Variants in NTRK1 observed in about 807,000 individuals in gnomAD.
NTRK1 encodes high affinity nerve growth factor receptor.
Under a neutral mutation model 86.8 loss-of-function variants are expected in NTRK1, and 62 were observed. That is an observed-to-expected ratio of 0.71 (90% CI 0.58 to 0.88). NTRK1 has a LOEUF of 0.88. NTRK1 is among the 40% of genes least tolerant of loss of function. NTRK1 has a pLI of 0.00. For synonymous variants in NTRK1, 469 were observed against 456.6 expected (o/e 1.03, Z -0.35); for missense variants, 967 against 1,078.4 (o/e 0.90, Z 1.45).
intron 12 of NTRK1, 94 bp downstream of exon 12, chr1:156,875,760 C>T: frequency 1.3e-6 from 2 of 1,516,186 alleles, no homozygotes; most frequent in South Asian, 2.3e-5. Context: ...CCTGAACGAT[C>T]CCTCCCTTTC....
intron 7 of NTRK1, among the ~76,000 whole-genome samples, chr1:156,872,745 G>A (rs1277967342): frequency 6.7e-6 from 1 of 148,722 alleles, no homozygotes; most frequent in African/African-American, 2.5e-5. Flanking sequence ...GCGCGCTCTC[G>A]GCTCACTTCA....
At chr1:156,815,964 T>A (rs1653870297) in intron 1 of NTRK1, 2 of 1,557,766 alleles carry the variant, frequency 1.3e-6, no homozygotes, top group Non-Finnish European at 1.7e-6. Flanking sequence ...GTGGGAGAGA[T>A]GAGGGAGCTG....
chr1:156,841,005 G>A, intron 1 of NTRK1: 1 of 1,611,946 alleles, frequency 6.2e-7, no homozygotes, highest in Non-Finnish European at 8.5e-7. Flanking sequence ...AGAGGAGGCG[G>A]AAGGAGGGCC....
intron 1 of NTRK1, chr1:156,841,619 T>C (rs1654787340): frequency 1.9e-6 from 3 of 1,609,728 alleles, no homozygotes; most frequent in Non-Finnish European, 2.5e-6. Flanking sequence ...CCTCCCCAGA[T>C]CCCGCCTCCA....
chr1:156,865,392 A>G (rs1655880952), intron 3 of NTRK1, among the ~76,000 whole-genome samples: 1 of 152,170 alleles, frequency 6.6e-6, no homozygotes, highest in Non-Finnish European at 1.5e-5. Context: ...TTAGATTCTC[A>G]AAAGGAGCAC....
intron 1 of NTRK1, chr1:156,841,267 G>T: frequency 2.9e-6 from 3 of 1,035,188 alleles, no homozygotes; most frequent in Non-Finnish European, 4.5e-6. Flanking sequence ...GGATAGGGGG[G>T]TGGCGCTCAT....
rs376148888 is a variant in NTRK1 at position 156,872,868 on chromosome 1, G to A, written c.851-765G>A. Among the ~76,000 whole-genome samples the A allele has an allele frequency of 1.5e-4, 23 of 151,958 alleles. No homozygotes were observed. In the East Asian group the frequency reaches 4.1e-3, roughly 27 times the overall value. ...TTTTTTGTATTTTTTTAGTGGAGAC[G>A]GGGTTTCACCGTGTTAGCCAGGATG... On this transcript the variant is annotated intron_variant, in intron 7 of 16. Coordinates refer to ENST00000524377, the MANE Select transcript of NTRK1 (RefSeq NM_002529.4).
chr1:156,866,096 G>A (rs2102888329), intron 3 of NTRK1, among the ~76,000 whole-genome samples: 1 of 152,312 alleles, frequency 6.6e-6, no homozygotes, highest in East Asian at 1.9e-4. Flanking sequence ...AGCTGTAAGT[G>A]GCAGGATAGA....
chr1:156,852,167 G>A lies in NTRK1; in HGVS notation c.50+9974G>A, dbSNP rs1655239667. On this transcript the variant is annotated intron_variant, in intron 2 of 16. Transcript: ENST00000392302. ...GCAGCACTCGCCCCTCGCTGTGCAA[G>A]CCATCCCATGGGGGCAGGGGCACAC... 6.2e-7 allele frequency: 1 copy of A among 1,604,942 alleles called. No individual in the cohort carries two copies. Among genetic ancestry groups the A allele is most frequent in the Non-Finnish European group, 8.5e-7 (1 of 1,174,494 alleles).
In NTRK1 at chr1:156,846,503, C is replaced by T. The variant is rs200366061; in HGVS notation, c.50+4310C>T. 165 of 1,598,766 alleles carry T rather than the reference C, an allele frequency of 1.0e-4. No individual in the cohort carries two copies. The African/African-American group carries it at 1.9e-3, about 19-fold the overall frequency. ...TGCAGGCGTCTGACTGACTCTTGCA[C>T]CCTCCAAATGCCTACCTGCAGGCAG... On this transcript the variant is annotated intron_variant, in intron 2 of 16. Coordinates refer to the NTRK1 transcript ENST00000392302.
chr1:156,824,631 G>A (rs1654274476), intron 1 of NTRK1, among the ~76,000 whole-genome samples: 1 of 152,182 alleles, frequency 6.6e-6, no homozygotes, highest in Non-Finnish European at 1.5e-5. Context: ...CAGGCACTTA[G>A]TCTCTGCTAG....
intron 13 of NTRK1, 81 bp downstream of exon 13, chr1:156,876,291 G>T: frequency 6.2e-7 from 1 of 1,610,446 alleles, no homozygotes; most frequent in Non-Finnish European, 8.5e-7. Context: ...AGTGGGGGGA[G>T]ATGCAGAGGG....
upstream of NTRK1, chr1:156,858,968 C>A (rs1571678921): frequency 3.6e-6 from 1 of 276,396 alleles, no homozygotes; most frequent in East Asian, 7.6e-5. Flanking sequence ...CCAGCCAACC[C>A]TGAGGGCGGA....
rs546657436 is a variant in NTRK1 at position 156,874,548 on chromosome 1, C to G, written c.1196-23C>G. 1.3e-5 allele frequency: 21 copies of G among 1,613,558 alleles called. No individual in the cohort carries two copies. In the African/African-American group the frequency reaches 2.7e-4, roughly 20 times the overall value. On this transcript the variant is annotated intron_variant, in intron 9 of 16. Transcript: ENST00000524377. ...GCTACAGTGTGTGTCAAGGCTCACCCCTCCTGCCCTGTGTCCCTACAGACA... is the reference window on the plus strand; with the variant it reads ...GCTACAGTGTGTGTCAAGGCTCACCGCTCCTGCCCTGTGTCCCTACAGACA...
intron 7 of NTRK1, 21 bp from the exon 8 acceptor site, chr1:156,873,612 G>C (rs772755088): frequency 6.2e-7 from 1 of 1,607,478 alleles, no homozygotes; most frequent in Non-Finnish European, 8.5e-7. Flanking sequence ...ACCTCCTGCT[G>C]TTGCTCTTTC....
intron 1 of NTRK1, among the ~76,000 whole-genome samples, chr1:156,833,694 A>G (rs1235875357): frequency 6.6e-6 from 1 of 152,138 alleles, no homozygotes; most frequent in Non-Finnish European, 1.5e-5. Flanking sequence ...CCTCCCTTCT[A>G]TACTCTGCTC....
At chr1:156,867,123 C>A in intron 4 of NTRK1, 145 bp downstream of exon 4, 1 of 864,954 alleles carries the variant, frequency 1.2e-6, no homozygotes, top group Non-Finnish European at 1.9e-6. Flanking sequence ...CCAGTGAAAC[C>A]CCCATCAAAG....
At chr1:156,856,070 A>G (rs1406981138), upstream of NTRK1, among the ~76,000 whole-genome samples, 1 of 152,094 alleles carries the variant, frequency 6.6e-6, no homozygotes, top group Non-Finnish European at 1.5e-5. Context: ...CGGCCTCCCA[A>G]AGTGATGGGA....
intron 1 of NTRK1, among the ~76,000 whole-genome samples, chr1:156,833,044 G>T (rs989703677): frequency 6.6e-6 from 1 of 152,180 alleles, no homozygotes; most frequent in East Asian, 1.9e-4. Context: ...AAGGACTTAT[G>T]CCCACCCATC....
Sources: allele counts gnomAD v4.1 joint callset (sites outside exome capture counted in the v4.1 genomes callset), GRCh38; gene constraint gnomAD v4.1.1; transcripts MANE v1.5; gene names NCBI Gene and HGNC (gene_info 2026-07-23, HGNC 2026-07-21).